EXOC1: variants seen among roughly 807,000 people sequenced by gnomAD.
EXOC1 encodes the protein SEC3-like 1.
EXOC1 carries 67 observed loss-of-function variants against 107.7 expected under a neutral mutation model. That is an observed-to-expected ratio of 0.62 (90% CI 0.51 to 0.76). The LOEUF is 0.76. Among genes scored for constraint, EXOC1 ranks in the 30% least tolerant of loss-of-function variants. EXOC1 has a pLI of 0.00. For synonymous variants in EXOC1, 348 were observed against 353.5 expected (o/e 0.98, Z 0.17); for missense variants, 833 against 1,055.7 (o/e 0.79, Z 2.92).
chr4:55,886,567 CA>C (rs1553878021), intron 10 of EXOC1, among the ~76,000 whole-genome samples: 8 of 119,730 alleles, frequency 6.7e-5, no homozygotes, highest in South Asian at 2.5e-4. Context: ...AACAAAAAAA[CA>C]AAAAAACAAA....
chr4:55,871,339 G>T, intron 7 of EXOC1, 106 bp downstream of exon 7: 1 of 1,357,338 alleles, frequency 7.4e-7, no homozygotes, highest in South Asian at 1.5e-5. Context: ...TGGTTTAAGG[G>T]TTACATTATT....
chr4:55,867,545 A>G (rs1201867182), intron 4 of EXOC1, among the ~76,000 whole-genome samples: 1 of 150,186 alleles, frequency 6.7e-6, no homozygotes, highest in East Asian at 1.9e-4. Context: ...TACAGTGCTC[A>G]CATGCTAGTG....
chr4:55,870,597 T>A, intron 5 of EXOC1, 81 bp from the exon 6 acceptor site: 3 of 1,354,164 alleles, frequency 2.2e-6, no homozygotes, highest in Non-Finnish European at 3.1e-6. Context: ...TTCACCTTTA[T>A]TCTTTTACAC....
At chr4:55,877,183 C>G (rs578015227) in intron 8 of EXOC1, 1 of 984,502 alleles carries the variant, frequency 1.0e-6, no homozygotes, top group African/African-American at 1.7e-5. Flanking sequence ...GATACACATT[C>G]ATAATTAGCT....
At chr4:55,890,531 GA>G (rs34003680) in intron 12 of EXOC1, 145 bp downstream of exon 12, 70,477 of 297,720 alleles carry the variant, frequency 0.24, 3,356 homozygotes, top group East Asian at 0.35. Flanking sequence ...TCGAATCTGG[GA>G]AAAAAAAAAA....
At chr4:55,896,659 A>G (rs1344220452) in intron 15 of EXOC1, 58 bp from the exon 16 acceptor site, 3 of 1,348,736 alleles carry the variant, frequency 2.2e-6, no homozygotes, top group African/African-American at 1.5e-5. Flanking sequence ...TGTTATGATT[A>G]TATGTAGTTT....
intron 10 of EXOC1, among the ~76,000 whole-genome samples, chr4:55,884,350 T>C (rs1047279494): frequency 1.3e-5 from 2 of 152,144 alleles, no homozygotes; most frequent in Admixed American, 1.3e-4. Context: ...CACATAGAAA[T>C]GAAACTGGTT....
chr4:55,878,184 A>G (rs1266471220), intron 9 of EXOC1, 118 bp downstream of exon 9: 4 of 1,136,102 alleles, frequency 3.5e-6, no homozygotes, highest in South Asian at 1.7e-5. Flanking sequence ...CAAAGCAGAA[A>G]ATGAGTCAGT....
chr4:55,865,541 C>T (rs1201855831), intron 4 of EXOC1, among the ~76,000 whole-genome samples: 1 of 152,070 alleles, frequency 6.6e-6, no homozygotes, highest in Non-Finnish European at 1.5e-5. Flanking sequence ...CTTTTCATGC[C>T]TTGAATCGTG....
At chr4:55,880,832 C>T (rs1205766619) in intron 9 of EXOC1, among the ~76,000 whole-genome samples, 2 of 152,042 alleles carry the variant, frequency 1.3e-5, no homozygotes, top group African/African-American at 2.4e-5. Context: ...GACTTTTTCC[C>T]AGGAATGTTG....
At chr4:55,886,468 A>T (rs1051455437) in intron 10 of EXOC1, among the ~76,000 whole-genome samples, 2 of 151,724 alleles carry the variant, frequency 1.3e-5, no homozygotes, top group Non-Finnish European at 2.9e-5. Flanking sequence ...GGCACGGATC[A>T]CTTGAGCCTG....
At chr4:55,897,344 A>T (rs539877633) in intron 16 of EXOC1, among the ~76,000 whole-genome samples, 62 of 152,260 alleles carry the variant, frequency 4.1e-4, no homozygotes, top group African/African-American at 1.5e-3. Flanking sequence ...CTTCCAGATT[A>T]CATTTGCATT....
chr4:55,902,323 T>G (rs781247066), intron 17 of EXOC1, 21 bp from the exon 18 acceptor site: 1 of 1,411,882 alleles, frequency 7.1e-7, no homozygotes, highest in Admixed American at 2.9e-5. Flanking sequence ...TTAGCCATTG[T>G]TTCTTTTCAT....
intron 13 of EXOC1, 92 bp from the exon 14 acceptor site, chr4:55,892,543 A>G: frequency 1.0e-6 from 1 of 956,044 alleles, no homozygotes. Context: ...ATTCTTTCCT[A>G]GGAATTTTAA....
intron 8 of EXOC1, chr4:55,877,006 T>G: frequency 1.0e-6 from 1 of 985,262 alleles, no homozygotes; most frequent in East Asian, 1.1e-4. Flanking sequence ...GCCAGAAATG[T>G]TTCCTTCTGA....
At chr4:55,856,329 T>G (rs772378429) in intron 1 of EXOC1, among the ~76,000 whole-genome samples, 14 of 152,190 alleles carry the variant, frequency 9.2e-5, no homozygotes, top group Non-Finnish European at 1.6e-4. Flanking sequence ...AAATGAGCAC[T>G]GTCTCCAGGC....
In EXOC1 at chr4:55,864,280, C is replaced by A. The variant is rs1721756062; in HGVS notation, c.309C>A (p.Ser103Arg). ...HFEKIYKWVASSTAEKNAFIS... is the reference protein window; with the variant it reads ...HFEKIYKWVARSTAEKNAFIS... ...AAAAAATATATAAATGGGTTGCCAG[C>A]AGCACTGCTGAAAAGAATGCATTTA... Residue 103 changes from serine to arginine, a missense_variant, in exon 4 of 19, where the codon AGC (serine) becomes AGA (arginine). Physicochemically the swap from Ser to Arg is moderately radical, Grantham distance 110 (BLOSUM62 -1). Coordinates refer to ENST00000381295, the MANE Select transcript of EXOC1 (RefSeq NM_001024924.2). The A allele has an allele frequency of 6.2e-7, 1 of 1,606,030 alleles. No homozygotes were observed. Among genetic ancestry groups the A allele is most frequent in the Non-Finnish European group, 8.5e-7 (1 of 1,175,974 alleles).
chr4:55,893,905 C>T, intron 15 of EXOC1, 125 bp downstream of exon 15: 1 of 737,176 alleles, frequency 1.4e-6, no homozygotes, highest in Non-Finnish European at 2.2e-6. Context: ...TCCCTCGAAG[C>T]AGGGCATGGC....
chr4:55,861,899 A>G (rs561492401), intron 3 of EXOC1, among the ~76,000 whole-genome samples: 1 of 152,312 alleles, frequency 6.6e-6, no homozygotes, highest in East Asian at 1.9e-4. Context: ...ACTAAAATAC[A>G]AAAAATTAGC....
Sources: allele counts gnomAD v4.1 joint callset (sites outside exome capture counted in the v4.1 genomes callset), GRCh38; gene constraint gnomAD v4.1.1; transcripts MANE v1.5; gene names NCBI Gene and HGNC (gene_info 2026-07-23, HGNC 2026-07-21).